Variants in INTS1 observed in about 807,000 individuals in gnomAD.
The protein encoded by INTS1 is integrator complex subunit 1.
INTS1 carries 137 observed loss-of-function variants against 241.6 expected under a neutral mutation model. That is an observed-to-expected ratio of 0.57 (90% CI 0.49 to 0.65). The LOEUF is 0.65. Ranked by LOEUF, INTS1 falls within the 30% of genes least tolerant of loss-of-function variation. The pLI is 0.00. For missense variants in INTS1, 3,073 were observed against 3,032.2 expected (o/e 1.01, Z -0.32); for synonymous variants, 1,692 against 1,337.8 (o/e 1.26, Z -5.78).
intron 16 of INTS1, 138 bp downstream of exon 16, chr7:1,492,872 A>C (rs1583143714): frequency 2.0e-6 from 1 of 493,058 alleles, no homozygotes; most frequent in African/African-American, 2.7e-5. Context: ...GCGCGGGCTT[A>C]CCCGGGCGGG....
intron 42 of INTS1, 39 bp from the exon 43 acceptor site, chr7:1,473,223 T>A: frequency 1.4e-6 from 2 of 1,454,620 alleles, no homozygotes; most frequent in Non-Finnish European, 9.5e-7. Context: ...AGGAAGACGC[T>A]GGCAGGAGGA....
intron 16 of INTS1, among the ~76,000 whole-genome samples, chr7:1,491,903 CCA>C (rs1290942847): frequency 6.6e-6 from 1 of 152,174 alleles, no homozygotes; most frequent in Non-Finnish European, 1.5e-5. Flanking sequence ...ACTCCGTTCC[CCA>C]CAAAAAACGG....
At chr7:1,495,001 C>T (rs954826201) in intron 13 of INTS1, 108 bp from the exon 14 acceptor site, 13 of 1,328,036 alleles carry the variant, frequency 9.8e-6, no homozygotes, top group East Asian at 2.5e-5. Flanking sequence ...GCTCAGAGGC[C>T]GGGCTGCCTG....
Position 1,497,319 on chromosome 7 carries a change from G to A in INTS1, c.1426-5C>T. The A allele has an allele frequency of 8.7e-6, 14 of 1,610,028 alleles. No homozygotes were observed. The highest frequency in any genetic ancestry group is 1.2e-5 in the Non-Finnish European group (14 of 1,177,958). On this transcript the variant is annotated splice_region_variant and splice_polypyrimidine_tract_variant and intron_variant, in intron 10 of 47. Coordinates refer to ENST00000404767, the MANE Select transcript of INTS1 (RefSeq NM_001080453.3). The surrounding 1 kb of genome is among the most constrained non-coding windows in gnomAD (Gnocchi z 5.3). ...CTGGAACACCATGGCCAGGAACTGG[G>A]GCAGAGAGAGGCCGCGTGGGAGGCT...
At chr7:1,480,782 C>T in intron 29 of INTS1, 53 bp downstream of exon 29, 3 of 1,413,656 alleles carry the variant, frequency 2.1e-6, no homozygotes, top group Non-Finnish European at 2.9e-6. Flanking sequence ...TCTGTGTTGG[C>T]CCCACCCCTC....
chr7:1,483,735 G>T lies in INTS1; in HGVS notation c.3541+7C>A, dbSNP rs201931653. ...AGCTGCCCCTCCCGGGGCCTGTGGC[G>T]GCTCACCTCGAGGCGGGCCCAGCGT... is the stretch of plus-strand genomic sequence containing the variant. On this transcript the variant is annotated splice_region_variant and intron_variant, in intron 26 of 47. Coordinates refer to ENST00000404767, the MANE Select transcript of INTS1 (RefSeq NM_001080453.3). 1.9e-6 allele frequency: 3 copies of T among 1,607,826 alleles called. No individual in the cohort carries two copies. In the Admixed American group the frequency reaches 5.0e-5, roughly 27 times the overall value.
intron 16 of INTS1, among the ~76,000 whole-genome samples, chr7:1,490,098 A>T (rs930612510): frequency 6.6e-6 from 1 of 151,494 alleles, no homozygotes; most frequent in South Asian, 2.1e-4. Flanking sequence ...ACAGATGTGA[A>T]TCGAGGCACT....
At chr7:1,473,717 C>G (rs777775497) in intron 41 of INTS1, 24 bp from the exon 42 acceptor site, 5 of 1,612,080 alleles carry the variant, frequency 3.1e-6, no homozygotes, top group Non-Finnish European at 4.2e-6. Flanking sequence ...GCGGCACCCT[C>G]GAGCTGCTCT....
chr7:1,486,875 G>C (rs1224977010), intron 21 of INTS1, 47 bp downstream of exon 21: 1 of 1,589,856 alleles, frequency 6.3e-7, no homozygotes, highest in Admixed American at 1.7e-5. Flanking sequence ...GCCCTGACAG[G>C]GGTGCGGGGT....
chr7:1,474,619 T>G, intron 40 of INTS1, 86 bp downstream of exon 40: 1 of 1,459,302 alleles, frequency 6.9e-7, no homozygotes, highest in Non-Finnish European at 9.1e-7. Context: ...GTTTTTGGAG[T>G]TTTGCTCTTG....
In INTS1 at chr7:1,470,451, G is replaced by C. The variant is rs1253681668; in HGVS notation, c.*126C>G. 1 of 687,500 alleles carries C rather than the reference G, an allele frequency of 1.5e-6. No individual in the cohort carries two copies. Among genetic ancestry groups the C allele is most frequent in the African/African-American group, 1.9e-5 (1 of 53,358 alleles). 42.6% of individuals were successfully genotyped at this position (687,500 alleles called of 1,614,324 possible). On this transcript the variant is annotated 3_prime_UTR_variant, in exon 48 of 48. Coordinates refer to ENST00000404767, the MANE Select transcript of INTS1 (RefSeq NM_001080453.3). ...GGAGTATTGCTCCTGGGCCTGCCTG[G>C]CCTCAGGGCTCGGCGCCCTCACCTC...
chr7:1,498,546 G>C lies in INTS1; in HGVS notation c.1291C>G (p.Leu431Val). 6.2e-7 allele frequency: 1 copy of C among 1,613,724 alleles called. No individual in the cohort carries two copies. The highest frequency in any genetic ancestry group is 8.5e-7 in the Non-Finnish European group (1 of 1,179,830). ...NHFMLCIRELLSAHKDNLGTT... is the reference protein window; with the variant it reads ...NHFMLCIRELVSAHKDNLGTT... ...CCCAGGTTGTCCTTGTGCGCGCTCA[G>C]CAGCTCCCTGGGTGAGGTGAGGGTA... The change falls in exon 10 of 48, where the codon CTG becomes GTG. Residue 431 changes from leucine to valine, a missense_variant. By Grantham distance (32) the Leu-to-Val change is conservative. Transcript: ENST00000404767.
intron 43 of INTS1, 97 bp downstream of exon 43, chr7:1,472,975 G>T: frequency 1.3e-6 from 1 of 750,900 alleles, no homozygotes; most frequent in Non-Finnish European, 2.1e-6. Flanking sequence ...CCATCGGGAC[G>T]CCTCGGACGG....
At position 1,497,874 on chromosome 7, in the gene INTS1, C is replaced by T. The variant is rs557914380; in HGVS notation, c.1425+538G>A. Among the ~76,000 whole-genome samples, 7 of 152,340 alleles carry T rather than the reference C, an allele frequency of 4.6e-5. No homozygotes were observed. Among genetic ancestry groups the T allele is most frequent in the Admixed American group, 3.3e-4 (5 of 15,298 alleles). ...ACACGGAAATCCAAGGGTCCTACAG[C>T]CAGGGCTACAGGGACCCCTGCTTAA... On this transcript the variant is annotated intron_variant, in intron 10 of 47. Coordinates refer to ENST00000404767, the MANE Select transcript of INTS1 (RefSeq NM_001080453.3). The surrounding 1 kb of genome is among the most constrained non-coding windows in gnomAD (Gnocchi z 5.3).
rs375671979 is a variant in INTS1, at chr7:1,494,620, C to T, written c.1910+196G>A. On this transcript the variant is annotated intron_variant, in intron 14 of 47. Transcript: ENST00000404767. ...CGTGGACGCAGACGGCAGCTGAATC[C>T]CTACAGTGGCGCTGGGACGCCAGCA... is the stretch of plus-strand genomic sequence containing the variant. The T allele has an allele frequency of 8.5e-5, 54 of 634,272 alleles. No homozygotes were observed. The East Asian group carries it at 1.2e-3, about 14-fold the overall frequency. The allele number at this position is 634,272 out of a possible 1,614,324, so 39.3% of individuals were successfully genotyped here.
intron 11 of INTS1, among the ~76,000 whole-genome samples, chr7:1,496,593 T>C (rs965481493): frequency 3.3e-5 from 5 of 151,824 alleles, no homozygotes; most frequent in African/African-American, 9.7e-5. Flanking sequence ...CCAGGACCAG[T>C]TGGGAGAGGG....
rs371766443 is a variant in INTS1, at chr7:1,474,369, G to C, written c.5637-9C>G. 1.3e-6 allele frequency: 2 copies of C among 1,580,830 alleles called. No homozygotes were observed. The highest frequency in any genetic ancestry group is 3.4e-5 in the Admixed American group (2 of 58,558). On this transcript the variant is annotated splice_polypyrimidine_tract_variant and intron_variant, in intron 40 of 47. Transcript: ENST00000404767. ...CGATCATGGGCAGGTGCCTGCGGGC[G>C]CGGTGAGGGCCCAGTCAGCCCCGGC... is the stretch of plus-strand genomic sequence containing the variant.
At chr7:1,504,112 G>A in intron 1 of INTS1, 111 bp from the exon 2 acceptor site, 1 of 602,540 alleles carries the variant, frequency 1.7e-6, no homozygotes. Flanking sequence ...CAGTGGTCCC[G>A]CGCCCGCCCG....
At position 1,503,043 on chromosome 7, in the gene INTS1, C is replaced by G. The variant is rs375081056; in HGVS notation, c.207G>C (p.Ser69=). 6.2e-7 allele frequency: 1 copy of G among 1,613,590 alleles called. No individual in the cohort carries two copies. Among genetic ancestry groups the G allele is most frequent in the Non-Finnish European group, 8.5e-7 (1 of 1,179,834 alleles). ...GGCGTTTGGTGAGACCGGTGAGGGCCGAGGCACTGGACAACGCGGCCGCCG... is the reference window on the plus strand; with the variant it reads ...GGCGTTTGGTGAGACCGGTGAGGGCGGAGGCACTGGACAACGCGGCCGCCG... The part of the protein sequence containing the change: ...RDAAAALSSA[S]ALTGLTKRPK... Residue 69 remains serine, a synonymous_variant, in exon 3 of 48, where the codon TCG becomes TCC. Coordinates refer to ENST00000404767, the MANE Select transcript of INTS1 (RefSeq NM_001080453.3).
Sources: gnomAD v4.1 joint callset for allele counts (sites outside exome capture counted in the v4.1 genomes callset) on GRCh38, gnomAD v4.1.1 for gene constraint, Gnocchi (gnomAD v3.1) non-coding constraint, MANE v1.5 for transcripts, NCBI Gene and HGNC (gene_info 2026-07-23, HGNC 2026-07-21) for gene names.